DPP10: variants seen among roughly 807,000 people sequenced by gnomAD.
DPP10 encodes inactive dipeptidyl peptidase 10.
A neutral mutation model predicts 120.9 loss-of-function variants in DPP10; 33 were observed. The observed-to-expected ratio is 0.27, with a 90% CI of 0.21 to 0.37. DPP10 has a LOEUF of 0.37. Ranked by LOEUF, DPP10 falls within the 10% of genes least tolerant of loss-of-function variation. DPP10 has a pLI of 1.00. For synonymous variants in DPP10, 337 were observed against 326.1 expected (o/e 1.03, Z -0.36); for missense variants, 816 against 942.8 (o/e 0.87, Z 1.76).
intron 3 of DPP10, among the ~76,000 whole-genome samples, chr2:115,368,954 CTTTAT>C (rs1184428057): frequency 6.6e-6 from 1 of 151,786 alleles, no homozygotes; most frequent in Non-Finnish European, 1.5e-5. Context: ...GCTATCTGCG[CTTTAT>C]TTTATTTTCT....
chr2:114,785,696 A>AT (rs1364859813), intron 1 of DPP10, among the ~76,000 whole-genome samples: 1 of 152,174 alleles, frequency 6.6e-6, no homozygotes, highest in African/African-American at 2.4e-5. Context: ...TTAACAATGA[A>AT]TATAATGTAG....
At chr2:115,407,853 G>A (rs748437903) in intron 3 of DPP10, among the ~76,000 whole-genome samples, 11 of 151,406 alleles carry the variant, frequency 7.3e-5, no homozygotes, top group Non-Finnish European at 1.5e-4. Flanking sequence ...AGTGAAGAGA[G>A]GACAGAGGAG....
chr2:114,579,241 G>A (rs1000924932), intron 1 of DPP10, among the ~76,000 whole-genome samples: 6 of 152,212 alleles, frequency 3.9e-5, no homozygotes, highest in East Asian at 1.9e-4. Context: ...TGACATATGC[G>A]CTGGGCTTTG....
intron 3 of DPP10, among the ~76,000 whole-genome samples, chr2:115,435,046 G>GCACA (rs200504425): frequency 1.7e-5 from 1 of 59,810 alleles, no homozygotes; most frequent in Admixed American, 1.8e-4. Flanking sequence ...CTATACACAT[G>GCACA]CACACATATA....
chr2:115,295,876 A>G (rs1411873037), intron 1 of DPP10, among the ~76,000 whole-genome samples: 1 of 152,144 alleles, frequency 6.6e-6, no homozygotes, highest in Non-Finnish European at 1.5e-5. Context: ...TTCAAGGCAG[A>G]ATAAAAATGT....
In DPP10 at chr2:114,973,661, CAAAAAAAAA is replaced by C. The variant is rs58042446; in HGVS notation, c.61-335564_61-335556del. Among the ~76,000 whole-genome samples the C allele has an allele frequency of 4.2e-5, 3 of 70,998 alleles. No homozygotes were observed. In the South Asian group the frequency reaches 2.0e-3, roughly 48 times the overall value. The allele number at this position is 70,998 out of a possible 152,430, so 46.6% of individuals were successfully genotyped here. ...TGGGCAACGGAGTGAGACTCCGTCTCAAAAAAAAAAAAAAAAAAAAAAGTTAACTGTAAA... is the reference window on the plus strand; with the variant it reads ...TGGGCAACGGAGTGAGACTCCGTCTCAAAAAAAAAAAAAGTTAACTGTAAA... On this transcript the variant is annotated intron_variant, in intron 1 of 25. Transcript: ENST00000410059.
chr2:115,666,274 G>A (rs2089446366), intron 5 of DPP10, among the ~76,000 whole-genome samples: 1 of 152,156 alleles, frequency 6.6e-6, no homozygotes, highest in Non-Finnish European at 1.5e-5. Context: ...TGCATGGCTG[G>A]AGAGTTCTCA....
intron 1 of DPP10, among the ~76,000 whole-genome samples, chr2:114,526,083 C>G (rs906395013): frequency 6.6e-6 from 1 of 152,156 alleles, no homozygotes; most frequent in Non-Finnish European, 1.5e-5. Flanking sequence ...TATTTTATTG[C>G]CAAAGAGAAA....
intron 3 of DPP10, among the ~76,000 whole-genome samples, chr2:115,490,861 A>G (rs1462696335): frequency 2.0e-5 from 3 of 152,210 alleles, no homozygotes; most frequent in African/African-American, 4.8e-5. Flanking sequence ...GCTCACGCCC[A>G]TATTCCCAGC....
chr2:115,207,446 A>AAAG (rs2056220806), intron 1 of DPP10, among the ~76,000 whole-genome samples: 10 of 138,472 alleles, frequency 7.2e-5, no homozygotes, highest in Non-Finnish European at 1.2e-4. Flanking sequence ...AAAAAAAAAA[A>AAAG]GCTTTCTCCT....
intron 5 of DPP10, among the ~76,000 whole-genome samples, chr2:115,598,041 T>C (rs1460858278): frequency 6.6e-6 from 1 of 152,068 alleles, no homozygotes; most frequent in African/African-American, 2.4e-5. Flanking sequence ...ACTAATTATT[T>C]TGAAGTCTAT....
At chr2:114,521,251 G>GACACACACAC (rs60539029) in intron 1 of DPP10, among the ~76,000 whole-genome samples, 15,228 of 144,382 alleles carry the variant, frequency 0.11, 844 homozygotes, top group East Asian at 0.14. Context: ...CACATGCACA[G>GACACACACAC]ACACACACAC....
At chr2:114,550,512 G>A (rs962818591) in intron 1 of DPP10, among the ~76,000 whole-genome samples, 2 of 152,224 alleles carry the variant, frequency 1.3e-5, no homozygotes, top group Non-Finnish European at 2.9e-5. Context: ...GGCAGAGTCG[G>A]TGCTTTTAGC....
In DPP10 at chr2:114,711,060, C is replaced by T. The variant is rs1700995489; in HGVS notation, c.60+268222C>T. ...AGTTCAGCCTGTTGGACTTCATACA[C>T]TTTCAAGGAAAGCAGGGCAAGAAAA... On this transcript the variant is annotated intron_variant, in intron 1 of 25. Coordinates refer to ENST00000410059, the MANE Select transcript of DPP10 (RefSeq NM_020868.6). 1.3e-5 allele frequency among the ~76,000 whole-genome samples: 2 copies of T among 151,776 alleles called. 1 individual carries two copies. The highest frequency in any genetic ancestry group is 4.8e-5 in the African/African-American group (2 of 41,340).
chr2:115,395,370 AT>A (rs1243929883), intron 3 of DPP10, among the ~76,000 whole-genome samples: 2 of 152,198 alleles, frequency 1.3e-5, no homozygotes, highest in African/African-American at 4.8e-5. Context: ...CTCTTTAAAG[AT>A]TCTGTCTCCA....
chr2:114,570,690 G>A (rs560845390), intron 1 of DPP10, among the ~76,000 whole-genome samples: 9 of 151,616 alleles, frequency 5.9e-5, no homozygotes, highest in East Asian at 5.8e-4. Flanking sequence ...AAAATTAGCC[G>A]GGCGTGGTGG....
chr2:114,634,776 A>C (rs967752586), intron 1 of DPP10, among the ~76,000 whole-genome samples: 1 of 152,090 alleles, frequency 6.6e-6, no homozygotes, highest in East Asian at 1.9e-4. Flanking sequence ...CATTATTATA[A>C]CTAGTAAAAC....
chr2:114,680,405 T>C (rs1440491278), intron 1 of DPP10, among the ~76,000 whole-genome samples: 1 of 151,888 alleles, frequency 6.6e-6, no homozygotes, highest in Admixed American at 6.6e-5. Context: ...GCTTTGAGAG[T>C]AGATGGCAAT....
intron 1 of DPP10, among the ~76,000 whole-genome samples, chr2:114,445,159 T>C (rs906299843): frequency 5.9e-5 from 9 of 152,152 alleles, no homozygotes; most frequent in African/African-American, 1.7e-4. Context: ...GTTTCAAGCA[T>C]GGTTGTTTAA....
Sources: gnomAD v4.1 joint callset for allele counts (sites outside exome capture counted in the v4.1 genomes callset) on GRCh38, gnomAD v4.1.1 for gene constraint, MANE v1.5 for transcripts, NCBI Gene and HGNC (gene_info 2026-07-23, HGNC 2026-07-21) for gene names.